The following EBF1 variants were observed in gnomAD, a reference collection of about 807,000 sequenced individuals.
EBF1 encodes the protein transcription factor COE1.
EBF1 carries 10 observed loss-of-function variants against 68.4 expected under a neutral mutation model. The observed-to-expected ratio is 0.15, with a 90% CI of 0.09 to 0.25. EBF1 has a LOEUF of 0.25. Ranked by LOEUF, EBF1 falls within the 10% of genes least tolerant of loss-of-function variation. The pLI is 1.00. For missense variants in EBF1, 509 were observed against 794.4 expected, an observed-to-expected ratio of 0.64 and a Z score of 4.32; for synonymous variants, 298 against 299.8, an observed-to-expected ratio of 0.99 and a Z score of 0.06.
At chr5:158,744,378 C>T (rs138066014) in intron 10 of EBF1, among the ~76,000 whole-genome samples, 3 of 151,892 alleles carry the variant, frequency 2.0e-5, no homozygotes, top group Non-Finnish European at 2.9e-5. Flanking sequence ...ATAGTATCAC[C>T]GAAACGAGGA....
At chr5:158,977,437 G>T (rs920383256) in intron 6 of EBF1, among the ~76,000 whole-genome samples, 3 of 152,106 alleles carry the variant, frequency 2.0e-5, no homozygotes, top group African/African-American at 7.2e-5. Flanking sequence ...AACAAACTAT[G>T]CAATCTCATG....
At chr5:159,031,224 T>C (rs918521809) in intron 6 of EBF1, among the ~76,000 whole-genome samples, 1 of 152,178 alleles carries the variant, frequency 6.6e-6, no homozygotes, top group African/African-American at 2.4e-5. Context: ...CAGGCTGGGA[T>C]GTGGAGAAGA....
chr5:158,743,924 C>A (rs1581517881), intron 10 of EBF1, among the ~76,000 whole-genome samples: 1 of 151,914 alleles, frequency 6.6e-6, no homozygotes, highest in South Asian at 2.1e-4. Context: ...CAATCCCAGC[C>A]CTTTGGGAGG....
At chr5:158,898,455 C>T (rs1029816514) in intron 6 of EBF1, among the ~76,000 whole-genome samples, 3 of 152,220 alleles carry the variant, frequency 2.0e-5, no homozygotes, top group Admixed American at 1.3e-4. Flanking sequence ...GTTCTATCCA[C>T]CTTCAAACAT....
At chr5:158,867,762 C>G (rs946858417) in intron 6 of EBF1, among the ~76,000 whole-genome samples, 1 of 152,120 alleles carries the variant, frequency 6.6e-6, no homozygotes, top group Non-Finnish European at 1.5e-5. Flanking sequence ...CCCTGTAATC[C>G]TATCTTAGCT....
At chr5:158,962,756 G>T (rs1753279141) in intron 6 of EBF1, among the ~76,000 whole-genome samples, 1 of 152,166 alleles carries the variant, frequency 6.6e-6, no homozygotes, top group African/African-American at 2.4e-5. Context: ...TCGCCTGCGG[G>T]ACTAAAAAGG....
intron 6 of EBF1, among the ~76,000 whole-genome samples, chr5:158,906,292 C>G (rs1015799108): frequency 6.9e-6 from 1 of 144,490 alleles, no homozygotes; most frequent in African/African-American, 2.6e-5. Flanking sequence ...CTTTCCTTAC[C>G]CTGGCAATGC....
chr5:158,946,326 AC>A (rs1227145410), intron 6 of EBF1, among the ~76,000 whole-genome samples: 1 of 152,014 alleles, frequency 6.6e-6, no homozygotes. Flanking sequence ...GGATTTATAT[AC>A]CTTTGGTCTT....
At chr5:158,791,441 T>C (rs1298891090) in intron 9 of EBF1, among the ~76,000 whole-genome samples, 1 of 151,950 alleles carries the variant, frequency 6.6e-6, no homozygotes, top group Non-Finnish European at 1.5e-5. Flanking sequence ...ACTAAATCTA[T>C]ATCCTCTGAT....
At chr5:159,098,257 G>A (rs1783009053) in intron 1 of EBF1, among the ~76,000 whole-genome samples, 1 of 152,224 alleles carries the variant, frequency 6.6e-6, no homozygotes, top group Non-Finnish European at 1.5e-5. Context: ...AGAGCCTTGG[G>A]TGTGCCCAGG....
intron 6 of EBF1, among the ~76,000 whole-genome samples, chr5:158,866,877 A>G (rs989987566): frequency 6.4e-5 from 5 of 78,472 alleles, no homozygotes; most frequent in South Asian, 4.8e-4. Context: ...ATATATATAT[A>G]TATATATATA....
chr5:158,977,201 C>A (rs1028746891), intron 6 of EBF1, among the ~76,000 whole-genome samples: 2 of 152,194 alleles, frequency 1.3e-5, no homozygotes, highest in Non-Finnish European at 2.9e-5. Flanking sequence ...GCCAGTTCCC[C>A]AATCCACCCT....
intron 1 of EBF1, 110 bp from the exon 2 acceptor site, chr5:159,097,240 A>C: frequency 3.2e-6 from 4 of 1,268,970 alleles, no homozygotes; most frequent in Non-Finnish European, 4.3e-6. Context: ...CTTCCCCCAA[A>C]ACATCCAGTG....
intron 6 of EBF1, among the ~76,000 whole-genome samples, chr5:158,985,594 T>C (rs888874618): frequency 6.6e-6 from 1 of 152,248 alleles, no homozygotes; most frequent in Non-Finnish European, 1.5e-5. Flanking sequence ...ATCTCTTTTC[T>C]CCCTGCATCT....
intron 7 of EBF1, among the ~76,000 whole-genome samples, 169 bp downstream of exon 7, chr5:158,839,860 T>C (rs140920112): frequency 6.6e-6 from 1 of 152,240 alleles, no homozygotes; most frequent in Admixed American, 6.5e-5. Flanking sequence ...CAGTTCCCAC[T>C]CTTCTCTAAT....
chr5:158,730,911 G>A (rs1763967062), intron 11 of EBF1, 158 bp downstream of exon 11: 1 of 619,282 alleles, frequency 1.6e-6, no homozygotes, highest in Non-Finnish European at 2.8e-6. Flanking sequence ...GCACATAAGT[G>A]CTTGCTACTT....
chr5:159,085,582 A>G (rs1016771416), intron 4 of EBF1, among the ~76,000 whole-genome samples: 2 of 152,226 alleles, frequency 1.3e-5, no homozygotes, highest in Admixed American at 6.5e-5. Flanking sequence ...GCACACAGCT[A>G]TTAGCAGAGC....
At chr5:158,755,702 A>C (rs1769920543) in intron 10 of EBF1, among the ~76,000 whole-genome samples, 1 of 152,080 alleles carries the variant, frequency 6.6e-6, no homozygotes, top group South Asian at 2.1e-4. Flanking sequence ...AAGAAAACAA[A>C]GGCTGAGGCC....
chr5:158,752,327 C>CAA (rs199938065), intron 10 of EBF1, among the ~76,000 whole-genome samples: 11 of 104,926 alleles, frequency 1.0e-4, no homozygotes, highest in South Asian at 3.7e-4. Context: ...GTATTTATTC[C>CAA]AAAAAAAAAA....
Sources: gnomAD v4.1 joint callset for allele counts (sites outside exome capture counted in the v4.1 genomes callset) on GRCh38, gnomAD v4.1.1 for gene constraint, MANE v1.5 for transcripts, NCBI Gene and HGNC (gene_info 2026-07-23, HGNC 2026-07-21) for gene names.